SNX25: variants seen among roughly 807,000 people sequenced by gnomAD.
The protein encoded by SNX25 is sorting nexin 25, also known as sorting nexin-25.
SNX25 carries 62 observed loss-of-function variants against 113.7 expected under a neutral mutation model. The ratio of observed to expected loss-of-function variants is 0.55; its 90% CI spans 0.44 to 0.67. The LOEUF is 0.67. Among genes scored for constraint, SNX25 ranks in the 30% least tolerant of loss-of-function variants. The pLI is 0.00. For synonymous variants in SNX25, 421 were observed against 436.2 expected (o/e 0.97, Z 0.43); for missense variants, 1,014 against 1,161.0 (o/e 0.87, Z 1.84).
At chr4:185,276,212 G>A (rs1749650578) in intron 5 of SNX25, among the ~76,000 whole-genome samples, 2 of 152,154 alleles carry the variant, frequency 1.3e-5, no homozygotes, top group South Asian at 4.1e-4. Context: ...TCTGCTTTAT[G>A]AATGAGTAAG....
At chr4:185,355,624 A>G (rs1253002761) in intron 15 of SNX25, among the ~76,000 whole-genome samples, 1 of 152,270 alleles carries the variant, frequency 6.6e-6, no homozygotes. Context: ...TTTAAGAAAT[A>G]TCTATATGAT....
intron 5 of SNX25, among the ~76,000 whole-genome samples, chr4:185,278,837 A>G (rs190053347): frequency 2.4e-4 from 37 of 152,354 alleles, no homozygotes; most frequent in Admixed American, 1.2e-3. Flanking sequence ...TAAACATTAT[A>G]GTCATACTAA....
chr4:185,374,443 T>C, downstream of SNX25: 1 of 1,613,964 alleles, frequency 6.2e-7, no homozygotes, highest in South Asian at 1.1e-5. Context: ...ATTTTCTTCA[T>C]ATAGTCCACC....
chr4:185,205,960 AAGTCAAAAACACAATG>A (rs1190331291), upstream of SNX25, among the ~76,000 whole-genome samples: 1 of 152,272 alleles, frequency 6.6e-6, no homozygotes, highest in African/African-American at 2.4e-5. Flanking sequence ...AGGGAAATGC[AAGTCAAAAACACAATG>A]AGATACCGAT....
chr4:185,307,306 A>G (rs1336099958), intron 6 of SNX25, among the ~76,000 whole-genome samples: 1 of 152,228 alleles, frequency 6.6e-6, no homozygotes, highest in African/African-American at 2.4e-5. Context: ...GACAAAACAC[A>G]AATGCTCTTT....
intron 6 of SNX25, among the ~76,000 whole-genome samples, chr4:185,301,537 G>A (rs541292089): frequency 2.0e-5 from 3 of 151,434 alleles, no homozygotes; most frequent in South Asian, 2.1e-4. Context: ...GATTACAGGC[G>A]CCTGCACTGT....
At chr4:185,249,296 C>T (rs531150504) in intron 2 of SNX25, among the ~76,000 whole-genome samples, 1 of 152,262 alleles carries the variant, frequency 6.6e-6, no homozygotes, top group East Asian at 1.9e-4. Context: ...CATATTACCA[C>T]CAACATTTGC....
At chr4:185,254,209 A>G (rs533345679) in intron 2 of SNX25, among the ~76,000 whole-genome samples, 16 of 151,788 alleles carry the variant, frequency 1.1e-4, no homozygotes, top group African/African-American at 3.6e-4. Context: ...TTTTTGTTGG[A>G]TAAATACATA....
chr4:185,211,879 A>G (rs1034561554), intron 1 of SNX25, among the ~76,000 whole-genome samples: 2 of 152,180 alleles, frequency 1.3e-5, no homozygotes, highest in African/African-American at 4.8e-5. Flanking sequence ...TGTTTCCTGG[A>G]AAATGCATTC....
At chr4:185,290,425 G>A (rs1486834385) in intron 6 of SNX25, among the ~76,000 whole-genome samples, 1 of 152,214 alleles carries the variant, frequency 6.6e-6, no homozygotes, top group Non-Finnish European at 1.5e-5. Context: ...GGGCCTTGGA[G>A]CCGTTTTGCC....
the SNX25 span, among the ~76,000 whole-genome samples, chr4:185,375,410 C>T: frequency 3.2e-5 from 4 of 126,848 alleles, no homozygotes; most frequent in South Asian, 8.2e-4. Context: ...GAGCCGAGGT[C>T]GCGCCATTGC....
chr4:185,273,435 C>A (rs1396583326), intron 5 of SNX25, among the ~76,000 whole-genome samples: 2 of 152,194 alleles, frequency 1.3e-5, no homozygotes, highest in African/African-American at 4.8e-5. Context: ...AGCCACCATG[C>A]CTGGCTGATA....
chr4:185,339,367 TC>T lies in SNX25; in HGVS notation c.1915-9del. 1 of 1,613,364 alleles carries T rather than the reference TC, an allele frequency of 6.2e-7. No homozygotes were observed. Among genetic ancestry groups the T allele is most frequent in the South Asian group, 1.1e-5 (1 of 90,980 alleles). ...TGTTTTCATAACTCCCAGGATATTT[TC>T]CCTGTGGCAGATTGTTTCCAAGTTG... is the stretch of plus-strand genomic sequence containing the variant. On this transcript the variant is annotated splice_polypyrimidine_tract_variant and intron_variant, in intron 10 of 18. Coordinates refer to ENST00000652585, the MANE Select transcript of SNX25 (RefSeq NM_001378034.2).
chr4:185,293,964 G>A (rs531480664), intron 6 of SNX25, among the ~76,000 whole-genome samples: 23 of 152,228 alleles, frequency 1.5e-4, no homozygotes, highest in African/African-American at 5.5e-4. Context: ...GCACCAAGTA[G>A]GAATAAGGTA....
intron 13 of SNX25, among the ~76,000 whole-genome samples, chr4:185,348,841 C>G (rs1377956939): frequency 6.6e-6 from 1 of 152,226 alleles, no homozygotes; most frequent in African/African-American, 2.4e-5. Flanking sequence ...TTGTAACTTT[C>G]TAGCCACTGA....
At chr4:185,300,096 G>A (rs1753416756) in intron 6 of SNX25, among the ~76,000 whole-genome samples, 1 of 152,102 alleles carries the variant, frequency 6.6e-6, no homozygotes, top group South Asian at 2.1e-4. Flanking sequence ...GAATATGTAT[G>A]TGTACATACA....
At chr4:185,367,136 G>T (rs763412583), downstream of SNX25, 10 of 1,469,916 alleles carry the variant, frequency 6.8e-6, no homozygotes, top group South Asian at 9.4e-5. Flanking sequence ...TACACACATT[G>T]TGAGGTGTTA....
upstream of SNX25, among the ~76,000 whole-genome samples, chr4:185,206,717 C>T (rs1260628533): frequency 7.3e-6 from 1 of 136,656 alleles, no homozygotes; most frequent in Non-Finnish European, 1.6e-5. Context: ...TTCAGAAAGA[C>T]AGAACCAAAA....
At position 185,210,964 on chromosome 4, in the gene SNX25, C is replaced by T. The variant is rs916801828; in HGVS notation, c.429+709C>T. Among the ~76,000 whole-genome samples, 10 of 152,128 alleles carry T rather than the reference C, an allele frequency of 6.6e-5. No individual in the cohort carries two copies. Among genetic ancestry groups the T allele is most frequent in the Non-Finnish European group, 1.3e-4 (9 of 68,028 alleles). On this transcript the variant is annotated intron_variant, in intron 1 of 18. Coordinates refer to ENST00000652585, the MANE Select transcript of SNX25 (RefSeq NM_001378034.2). The surrounding 1 kb of genome is among the most constrained non-coding windows in gnomAD (Gnocchi z 4.4). ...AGCGCTTCTCTTCTTCAGTGCCAAA[C>T]CCACTGCCCCATCTTTCTTCCACAT...
Sources: allele counts gnomAD v4.1 joint callset (sites outside exome capture counted in the v4.1 genomes callset), GRCh38; gene constraint gnomAD v4.1.1; non-coding constraint Gnocchi (gnomAD v3.1); transcripts MANE v1.5; gene names NCBI Gene and HGNC (gene_info 2026-07-23, HGNC 2026-07-21).